The following HSPA4L variants were observed in gnomAD, a reference collection of about 807,000 sequenced individuals.
HSPA4L encodes heat shock protein family A (Hsp70) member 4 like.
A neutral mutation model predicts 100.3 loss-of-function variants in HSPA4L; 48 were observed. That is an observed-to-expected ratio of 0.48 (90% CI 0.38 to 0.61). HSPA4L has a LOEUF of 0.61. Ranked by LOEUF, HSPA4L falls within the 20% of genes least tolerant of loss-of-function variation. The pLI is 0.00. For synonymous variants in HSPA4L, 319 were observed against 328.2 expected, an observed-to-expected ratio of 0.97 and a Z score of 0.30; for missense variants, 886 against 988.6, an observed-to-expected ratio of 0.90 and a Z score of 1.39.
At chr4:127,806,833 G>A (rs1227274743) in intron 10 of HSPA4L, among the ~76,000 whole-genome samples, 2 of 151,800 alleles carry the variant, frequency 1.3e-5, no homozygotes, top group Non-Finnish European at 3.0e-5. Context: ...CCAAGAAAAT[G>A]AGATTTTTGT....
At chr4:127,784,193 T>G (rs140957857) in intron 1 of HSPA4L, among the ~76,000 whole-genome samples, 1,635 of 152,378 alleles carry the variant, frequency 0.011, 15 homozygotes, top group Non-Finnish European at 0.018. Flanking sequence ...GGAGCAATCT[T>G]TGGCTTCATT....
chr4:127,826,032 A>G (rs1733942482), intron 16 of HSPA4L, among the ~76,000 whole-genome samples: 1 of 152,168 alleles, frequency 6.6e-6, no homozygotes, highest in Non-Finnish European at 1.5e-5. Context: ...TCTGCTTCAA[A>G]TATGTAAGTA....
chr4:127,808,129 G>A lies in HSPA4L; in HGVS notation c.1378G>A (p.Gly460Arg), dbSNP rs1223955973. ...HEVPYPDARIGSFTIQNVFPQ... is the reference protein window; with the variant it reads ...HEVPYPDARIRSFTIQNVFPQ... Reference sequence around the variant, plus strand: ...AGTGCCTTATCCTGATGCAAGAATTGGTAAGATAAAAAAAAGTTCTCCATA... The same window carrying A: ...AGTGCCTTATCCTGATGCAAGAATTAGTAAGATAAAAAAAAGTTCTCCATA... Residue 460 changes from glycine (G) to arginine (R), a missense_variant and splice_region_variant, in exon 11 of 19, where the codon GGG (glycine) becomes AGG (arginine). Transcript: ENST00000296464. 6.3e-7 allele frequency: 1 copy of A among 1,579,842 alleles called. No homozygotes were observed. The highest frequency in any genetic ancestry group is 1.2e-5 in the South Asian group (1 of 84,368).
At position 127,835,913 on chromosome 4, in the gene HSPA4L, G is replaced by C. The variant is rs1164063841; in HGVS notation, c.*3039G>C. On this transcript the variant is annotated 3_prime_UTR_variant, in exon 19 of 19. Transcript: ENST00000296464. ...AGCCTGAGAAACATAGTGAGACCCTGTCTCTAAAAAAATAAAAACTTAGCA... is the reference window on the plus strand; with the variant it reads ...AGCCTGAGAAACATAGTGAGACCCTCTCTCTAAAAAAATAAAAACTTAGCA... 6.6e-6 allele frequency: 1 copy of C among 152,500 alleles called. No homozygotes were observed. The highest frequency in any genetic ancestry group is 1.5e-5 in the Non-Finnish European group (1 of 68,346). The allele number at this position is 152,500 out of a possible 1,614,324, so 9.4% of individuals were successfully genotyped here.
Position 127,827,874 on chromosome 4 carries a change from T to A in HSPA4L, c.2166+450T>A, listed in dbSNP as rs187299859. Among the ~76,000 whole-genome samples the A allele has an allele frequency of 2.3e-4, 35 of 152,238 alleles. No individual in the cohort carries two copies. The Middle Eastern group carries it at 0.024, about 104-fold the overall frequency. ...AGTCCATTAGTCATCCATAATCTCC[T>A]GTACGCTTTATTCTTTTATGTACAT... On this transcript the variant is annotated intron_variant, in intron 17 of 18. Transcript: ENST00000296464.
intron 12 of HSPA4L, chr4:127,812,594 G>A (rs1049929691): frequency 9.6e-6 from 6 of 626,408 alleles, no homozygotes; most frequent in South Asian, 1.9e-5. Context: ...ATTTTTAATG[G>A]CATTAGATTT....
chr4:127,803,035 ACT>A (rs1733237356), intron 6 of HSPA4L, among the ~76,000 whole-genome samples: 1 of 151,578 alleles, frequency 6.6e-6, no homozygotes, highest in Admixed American at 6.6e-5. Flanking sequence ...AATTTCTATG[ACT>A]CTCTTCTGCT....
At chr4:127,814,215 C>T (rs1300643681) in intron 12 of HSPA4L, among the ~76,000 whole-genome samples, 3 of 152,088 alleles carry the variant, frequency 2.0e-5, no homozygotes, top group Non-Finnish European at 4.4e-5. Flanking sequence ...CAGAGACTTA[C>T]CTGCTTATGA....
chr4:127,826,251 A>G (rs965246058), intron 16 of HSPA4L, among the ~76,000 whole-genome samples: 3 of 152,132 alleles, frequency 2.0e-5, no homozygotes, highest in Non-Finnish European at 2.9e-5. Flanking sequence ...CTACAAAAAA[A>G]TAAATTAGCC....
rs899204200 is a variant in HSPA4L at position 127,834,970 on chromosome 4, C to T, written c.*2096C>T. 2.6e-5 allele frequency: 4 copies of T among 152,106 alleles called. No homozygotes were observed. The highest frequency in any genetic ancestry group is 4.8e-5 in the African/African-American group (2 of 41,438). 9.4% of individuals were successfully genotyped at this position (152,106 alleles called of 1,614,324 possible). ...ACTTATATACATCCAAATATATATA[C>T]TTTTTCTACCCAATTATTCAACTTA... On this transcript the variant is annotated 3_prime_UTR_variant, in exon 19 of 19. Coordinates refer to ENST00000296464, the MANE Select transcript of HSPA4L (RefSeq NM_014278.4).
Position 127,832,881 on chromosome 4 carries a change from A to AT in HSPA4L, c.*11dup. ...AGAGATGGAAGTGGACTAAGTCTTA[A>AT]TTTTACCTTCACATTAATTCAAACC... On this transcript the variant is annotated 3_prime_UTR_variant, in exon 19 of 19. Transcript: ENST00000296464. The AT allele has an allele frequency of 6.3e-7, 1 of 1,586,616 alleles. No individual in the cohort carries two copies.
At position 127,818,405 on chromosome 4, in the gene HSPA4L, A is replaced by C. The variant is rs776074058; in HGVS notation, c.1659A>C (p.Thr553=). The change falls in exon 13 of 19, where the codon ACA becomes ACC. Residue 553 remains threonine, a synonymous_variant. Transcript: ENST00000296464. ...EHTPEEEIDH[T]GAKTKSAVSD... is the part of the protein sequence containing the mutation. ...CTCCAGAAGAGGAAATTGATCATAC[A>C]GGAGCCAAAACAAAGGTTTGGTTTA... is the stretch of plus-strand genomic sequence containing the variant. The C allele has an allele frequency of 2.5e-6, 4 of 1,603,058 alleles. No individual in the cohort carries two copies. Among genetic ancestry groups the C allele is most frequent in the Middle Eastern group, 1.7e-4 (1 of 6,032 alleles).
intron 1 of HSPA4L, among the ~76,000 whole-genome samples, chr4:127,790,743 C>T (rs976201626): frequency 3.9e-5 from 6 of 152,160 alleles, no homozygotes; most frequent in Admixed American, 3.9e-4. Flanking sequence ...AACTAGAAAC[C>T]TAGATATTAT....
intron 16 of HSPA4L, among the ~76,000 whole-genome samples, chr4:127,824,875 G>A (rs1311097141): frequency 1.3e-5 from 2 of 152,140 alleles, no homozygotes; most frequent in Non-Finnish European, 2.9e-5. Context: ...AGTGGCTCAC[G>A]CCTCTAATCC....
Position 127,830,639 on chromosome 4 carries a change from A to G in HSPA4L, c.2168A>G (p.Asp723Gly), listed in dbSNP as rs1734055198. The G allele has an allele frequency of 1.9e-6, 3 of 1,573,586 alleles. No homozygotes were observed. The highest frequency in any genetic ancestry group is 2.6e-6 in the Non-Finnish European group (3 of 1,167,052). Residue 723 changes from aspartate (D) to glycine (G), a missense_variant and splice_region_variant, in exon 18 of 19, where the codon GAT becomes GGT. Asp to Gly is a moderately conservative substitution (Grantham distance 94, BLOSUM62 -1). Transcript: ENST00000296464. ...GTCAAGCTTTTTTTTTTTAAATAGG[A>G]TGAAAGATATGATCATCTGGATCCT... ...MKVIEAYRNK[D>G]ERYDHLDPTE...
chr4:127,801,655 A>G, intron 5 of HSPA4L, 130 bp from the exon 6 acceptor site: 1 of 670,034 alleles, frequency 1.5e-6, no homozygotes, highest in African/African-American at 1.9e-5. Flanking sequence ...AATTGTGAAA[A>G]GTTCATTTAC....
chr4:127,792,538 G>T (rs1315710970), intron 1 of HSPA4L, among the ~76,000 whole-genome samples: 1 of 152,152 alleles, frequency 6.6e-6, no homozygotes, highest in African/African-American at 2.4e-5. Flanking sequence ...CCTGAGATGT[G>T]ACTAGTCCTG....
chr4:127,823,746 A>G, intron 16 of HSPA4L, 122 bp downstream of exon 16: 1 of 615,408 alleles, frequency 1.6e-6, no homozygotes, highest in Non-Finnish European at 2.9e-6. Context: ...AATTGTATAT[A>G]TTTGTGGTGT....
chr4:127,783,271 A>C (rs1490002403), intron 1 of HSPA4L, among the ~76,000 whole-genome samples: 8 of 151,526 alleles, frequency 5.3e-5, no homozygotes, highest in Non-Finnish European at 1.2e-4. Flanking sequence ...GAGCCGGTTT[A>C]CAGGGCCAGG....
Sources: gnomAD v4.1 joint callset for allele counts (sites outside exome capture counted in the v4.1 genomes callset) on GRCh38, gnomAD v4.1.1 for gene constraint, MANE v1.5 for transcripts, NCBI Gene and HGNC (gene_info 2026-07-23, HGNC 2026-07-21) for gene names.